NOL10: variants seen among roughly 807,000 people sequenced by gnomAD.
NOL10 encodes H_NH0074G24.1.
Under a neutral mutation model 103.5 loss-of-function variants are expected in NOL10, and 58 were observed. That is an observed-to-expected ratio of 0.56 (90% CI 0.45 to 0.70). The LOEUF is 0.70. NOL10 is among the 30% of genes least tolerant of loss of function. The pLI, the probability that NOL10 is intolerant of heterozygous loss-of-function variation, is 0.00. For missense variants in NOL10, 763 were observed against 807.3 expected, an observed-to-expected ratio of 0.95 and a Z score of 0.67; for synonymous variants, 287 against 282.5, an observed-to-expected ratio of 1.02 and a Z score of -0.16.
rs560378722 is a variant in NOL10 at position 10,602,797 on chromosome 2, A to G, written c.1311T>C (p.Arg437=). 7 of 1,602,408 alleles carry G rather than the reference A, an allele frequency of 4.4e-6. No homozygotes were observed. The South Asian group carries it at 6.6e-5, about 15-fold the overall frequency. Residue 437 remains arginine, a synonymous_variant, in exon 16 of 21, where the codon CGT becomes CGC. Coordinates refer to ENST00000381685, the MANE Select transcript of NOL10 (RefSeq NM_024894.4). ...TTACCTTTAACTGGACTCTCTGTGC[A>G]CGTGTTTCTTCTATTTTCTGTCGTA... ...DKIRQKIEET[R]AQRVQLKKLP...
At chr2:10,629,974 G>C (rs1187893648) in intron 13 of NOL10, among the ~76,000 whole-genome samples, 1 of 152,136 alleles carries the variant, frequency 6.6e-6, no homozygotes, top group Non-Finnish European at 1.5e-5. Context: ...ACATTTTGCA[G>C]AAAGAGGGTC....
intron 17 of NOL10, among the ~76,000 whole-genome samples, chr2:10,591,693 G>A (rs992416958): frequency 6.6e-6 from 1 of 152,072 alleles, no homozygotes; most frequent in African/African-American, 2.4e-5. Context: ...ATCAACAGAA[G>A]TGTGCTTCAA....
intron 19 of NOL10, among the ~76,000 whole-genome samples, chr2:10,579,541 A>C (rs891740538): frequency 6.6e-6 from 1 of 152,282 alleles, no homozygotes; most frequent in Non-Finnish European, 1.5e-5. Flanking sequence ...AAACGGAATG[A>C]AATGAAGATT....
chr2:10,630,798 C>A (rs558027193), intron 13 of NOL10, among the ~76,000 whole-genome samples: 103 of 152,298 alleles, frequency 6.8e-4, no homozygotes, highest in African/African-American at 2.3e-3. Context: ...TTGGAGATCC[C>A]TTCTAGCTCT....
intron 13 of NOL10, 32 bp from the exon 14 acceptor site, chr2:10,607,343 C>A (rs1458046728): frequency 6.4e-7 from 1 of 1,566,646 alleles, no homozygotes; most frequent in Middle Eastern, 1.7e-4. Flanking sequence ...TCAGCAAAGG[C>A]ACAGTTTACC....
intron 10 of NOL10, among the ~76,000 whole-genome samples, 159 bp from the exon 11 acceptor site, chr2:10,658,050 A>G (rs534415032): frequency 6.6e-6 from 1 of 152,248 alleles, no homozygotes; most frequent in Non-Finnish European, 1.5e-5. Flanking sequence ...CTTTCCAGAA[A>G]GATCTCTTAA....
intron 10 of NOL10, among the ~76,000 whole-genome samples, chr2:10,658,459 C>T (rs1203109717): frequency 6.6e-6 from 1 of 152,088 alleles, no homozygotes; most frequent in East Asian, 1.9e-4. Context: ...TTGTAGGAGG[C>T]AAGTGTACAG....
intron 13 of NOL10, among the ~76,000 whole-genome samples, chr2:10,626,255 A>T (rs1049282361): frequency 2.6e-5 from 4 of 152,204 alleles, no homozygotes; most frequent in African/African-American, 9.6e-5. Flanking sequence ...CATGGAGTCA[A>T]TGAAAGCCTA....
At chr2:10,589,449 AG>A in intron 18 of NOL10, 128 bp downstream of exon 18, 1 of 1,221,602 alleles carries the variant, frequency 8.2e-7, no homozygotes, top group Non-Finnish European at 1.1e-6. Flanking sequence ...AATACTCCTA[AG>A]CCCAATGTCA....
Position 10,681,773 on chromosome 2 carries a change from C to A in NOL10, c.211+198G>T, listed in dbSNP as rs369766465. On this transcript the variant is annotated intron_variant, in intron 3 of 20. Transcript: ENST00000381685. ...AAAGAGACAGATGCATGGGATAAAT[C>A]AAATACTGCAGAGTAAACTATTTAT... is the stretch of plus-strand genomic sequence containing the variant. Among the ~76,000 whole-genome samples, 20 of 152,018 alleles carry A rather than the reference C, an allele frequency of 1.3e-4. No homozygotes were observed. The East Asian group carries it at 3.3e-3, about 25-fold the overall frequency.
intron 14 of NOL10, among the ~76,000 whole-genome samples, chr2:10,605,006 A>C (rs728135): frequency 0.59 from 90,060 of 152,150 alleles, 27,668 homozygotes; most frequent in African/African-American, 0.74. Context: ...CCTAAAATAA[A>C]AGGGTGCTGA....
chr2:10,625,349 G>A (rs889153140), intron 13 of NOL10, among the ~76,000 whole-genome samples: 1 of 152,104 alleles, frequency 6.6e-6, no homozygotes, highest in Non-Finnish European at 1.5e-5. Flanking sequence ...CTGATGGTGA[G>A]GGAGCGTGTG....
chr2:10,595,910 C>G (rs1396494050), intron 17 of NOL10, among the ~76,000 whole-genome samples: 1 of 151,356 alleles, frequency 6.6e-6, no homozygotes, highest in East Asian at 1.9e-4. Context: ...TTGTGTTAGG[C>G]ACTGTGCCCA....
chr2:10,641,399 T>C (rs1001299408), intron 13 of NOL10, among the ~76,000 whole-genome samples: 1 of 151,596 alleles, frequency 6.6e-6, no homozygotes, highest in East Asian at 1.9e-4. Flanking sequence ...ACATCACAAA[T>C]ATAACTAAAA....
Position 10,638,330 on chromosome 2 carries a change from G to GACGTAACGTAACGTA in NOL10, c.1026+5975_1026+5989dup, listed in dbSNP as rs3061339. On this transcript the variant is annotated intron_variant, in intron 13 of 20. Transcript: ENST00000381685. ...GACGTGACGTGACGTGACGTGACGT[G>GACGTAACGTAACGTA]ACGTAACGTAACGTAACGTAACGTA... Among the ~76,000 whole-genome samples, 570 of 92,802 alleles carry GACGTAACGTAACGTA rather than the reference G, an allele frequency of 6.1e-3. 6 individuals carry two copies. Among genetic ancestry groups the GACGTAACGTAACGTA allele is most frequent in the African/African-American group, 0.027 (546 of 20,394 alleles). 60.9% of individuals were successfully genotyped at this position (92,802 alleles called of 152,430 possible).
intron 12 of NOL10, among the ~76,000 whole-genome samples, chr2:10,647,285 C>A (rs558456883): frequency 6.6e-6 from 1 of 152,276 alleles, no homozygotes; most frequent in East Asian, 1.9e-4. Flanking sequence ...GCTCTGGGGA[C>A]TAAAGGACTC....
intron 9 of NOL10, among the ~76,000 whole-genome samples, chr2:10,659,816 C>T (rs545930184): frequency 2.9e-4 from 44 of 152,150 alleles, no homozygotes; most frequent in Non-Finnish European, 5.4e-4. Context: ...ATAGAAACAT[C>T]CCCTTTCATA....
intron 3 of NOL10, among the ~76,000 whole-genome samples, chr2:10,680,006 G>A (rs1681618570): frequency 6.6e-6 from 1 of 152,008 alleles, no homozygotes; most frequent in Admixed American, 6.6e-5. Context: ...CAGGCGCAGT[G>A]GCTCACACCT....
intron 1 of NOL10, 71 bp downstream of exon 1, chr2:10,689,725 G>C (rs1572463945): frequency 6.9e-7 from 1 of 1,445,754 alleles, no homozygotes; most frequent in Non-Finnish European, 9.5e-7. Flanking sequence ...GGGCCGAGGA[G>C]AGGGGCGGCT....
Sources: gnomAD v4.1 joint callset for allele counts (sites outside exome capture counted in the v4.1 genomes callset) on GRCh38, gnomAD v4.1.1 for gene constraint, MANE v1.5 for transcripts, NCBI Gene and HGNC (gene_info 2026-07-23, HGNC 2026-07-21) for gene names.